ZNF138: variants seen among roughly 807,000 people sequenced by gnomAD.
ZNF138 encodes the protein zinc finger protein 138.
A neutral mutation model predicts 33.0 loss-of-function variants in ZNF138; 33 were observed. That is an observed-to-expected ratio of 1.00 (90% CI 0.76 to 1.34). The LOEUF (loss-of-function observed/expected upper bound fraction) is 1.34, where lower values mean the gene tolerates loss of function less well. ZNF138 is among the 40% of genes most tolerant of loss of function. ZNF138 has a pLI of 0.00. For missense variants in ZNF138, 360 were observed against 370.8 expected (o/e 0.97, Z 0.24); for synonymous variants, 139 against 120.4 (o/e 1.15, Z -1.01).
In ZNF138 at chr7:64,832,164, A is replaced by G. The variant is rs1562928059; in HGVS notation, c.922A>G (p.Lys308Glu). ...QIIYTGEEPY[K>E]CEECGKAFNL... ...AATTTATACTGGAGAGGAACCATAC[A>G]AATGTGAGGAATGTGGCAAAGCTTT... Residue 308 changes from lysine (K) to glutamate (E), a missense_variant, in exon 4 of 4, where the codon AAA (lysine) becomes GAA (glutamate). Lys to Glu is a moderately conservative substitution (Grantham distance 56, BLOSUM62 1). Transcript: ENST00000307355. 6.2e-7 allele frequency: 1 copy of G among 1,610,524 alleles called. No homozygotes were observed. Among genetic ancestry groups the G allele is most frequent in the Non-Finnish European group, 8.5e-7 (1 of 1,179,110 alleles).
chr7:64,827,111 A>AT (rs36019796), intron 3 of ZNF138, among the ~76,000 whole-genome samples: 208 of 148,970 alleles, frequency 1.4e-3, no homozygotes, highest in African/African-American at 4.6e-3. Flanking sequence ...TCATTTTAGC[A>AT]TTTTTTTTTT....
rs1465281361 is a variant in ZNF138 at position 64,831,907 on chromosome 7, C to T, written c.665C>T (p.Pro222Leu). The change falls in exon 4 of 4, where the codon CCC becomes CTC. Residue 222 changes from proline to leucine, a missense_variant. Transcript: ENST00000307355. Reference sequence around the variant, plus strand: ...AAGAAAATTCATACTGGAGAAAAACCCTACAAATGTGAAGTATGTGGAAAA... The same window carrying T: ...AAGAAAATTCATACTGGAGAAAAACTCTACAAATGTGAAGTATGTGGAAAA... ...KPKKIHTGEK[P>L]YKCEVCGKAF... The T allele has an allele frequency of 6.2e-7, 1 of 1,613,702 alleles. No individual in the cohort carries two copies. The highest frequency in any genetic ancestry group is 2.2e-5 in the East Asian group (1 of 44,850).
At chr7:64,829,322 CTA>C (rs1789895550) in intron 3 of ZNF138, among the ~76,000 whole-genome samples, 1 of 151,676 alleles carries the variant, frequency 6.6e-6, no homozygotes, top group Non-Finnish European at 1.5e-5. Flanking sequence ...ATATTGCTCT[CTA>C]TGTGTTTCCT....
In ZNF138 at chr7:64,832,155, G is replaced by A; in HGVS notation, c.913G>A (p.Glu305Lys). 1 of 1,611,028 alleles carries A rather than the reference G, an allele frequency of 6.2e-7. No homozygotes were observed. Among genetic ancestry groups the A allele is most frequent in the South Asian group, 1.1e-5 (1 of 90,780 alleles). The change falls in exon 4 of 4, where the codon GAA (glutamate) becomes AAA (lysine). Residue 305 changes from glutamate (E) to lysine (K), a missense_variant. By Grantham distance (56) the Glu-to-Lys change is moderately conservative. Coordinates refer to ENST00000307355, the MANE Select transcript of ZNF138 (RefSeq NM_001271639.2). ...ACATCAGATAATTTATACTGGAGAGGAACCATACAAATGTGAGGAATGTGG... is the reference window on the plus strand; with the variant it reads ...ACATCAGATAATTTATACTGGAGAGAAACCATACAAATGTGAGGAATGTGG... ...TKHQIIYTGE[E>K]PYKCEECGKA...
intron 1 of ZNF138, among the ~76,000 whole-genome samples, chr7:64,804,316 G>A (rs534863939): frequency 2.6e-5 from 4 of 152,242 alleles, no homozygotes; most frequent in Middle Eastern, 3.4e-3. Flanking sequence ...AATTACCGGT[G>A]CATGCAGCCC....
In ZNF138 at chr7:64,831,880, C is replaced by T. The variant is rs778165267; in HGVS notation, c.638C>T (p.Pro213Leu). 6.2e-6 allele frequency: 10 copies of T among 1,613,472 alleles called. No individual in the cohort carries two copies. The highest frequency in any genetic ancestry group is 8.5e-6 in the Non-Finnish European group (10 of 1,179,826). Residue 213 changes from proline (P) to leucine (L), a missense_variant, in exon 4 of 4, where the codon CCT becomes CTT. Physicochemically the swap from Pro to Leu is moderately conservative, Grantham distance 98. Transcript: ENST00000307355. ...TFNWSTNLSK[P>L]KKIHTGEKPY... ...AACTGGTCCACAAACCTTTCTAAAC[C>T]TAAGAAAATTCATACTGGAGAAAAA...
chr7:64,795,496 C>T (rs1338120432), intron 1 of ZNF138, among the ~76,000 whole-genome samples: 3 of 152,194 alleles, frequency 2.0e-5, no homozygotes, highest in Non-Finnish European at 1.5e-5. Context: ...ACTTCCCCTT[C>T]CTAATTCACA....
chr7:64,824,867 CTTTT>C (rs57401048), intron 3 of ZNF138, among the ~76,000 whole-genome samples: 4 of 146,304 alleles, frequency 2.7e-5, no homozygotes, highest in East Asian at 2.0e-4. Flanking sequence ...TTATGAGTCT[CTTTT>C]TTTTTTTTTG....
intron 1 of ZNF138, among the ~76,000 whole-genome samples, chr7:64,795,749 C>T (rs1018060266): frequency 4.6e-5 from 7 of 151,314 alleles, no homozygotes; most frequent in African/African-American, 1.7e-4. Context: ...GTCAAGGTTT[C>T]CCTTTGGAAA....
At chr7:64,829,615 C>A (rs1562923732) in intron 3 of ZNF138, among the ~76,000 whole-genome samples, 1 of 1,750 alleles carries the variant, frequency 5.7e-4, no homozygotes, top group Admixed American at 7.2e-3. Flanking sequence ...AATTCTTTCT[C>A]ATTACATTTG....
chr7:64,844,728 C>T, the ZNF138 span, among the ~76,000 whole-genome samples: 2 of 151,728 alleles, frequency 1.3e-5, no homozygotes, highest in African/African-American at 4.9e-5. Context: ...GCTGTGTCAC[C>T]CAGGCTGGAG....
At chr7:64,815,539 A>T in intron 2 of ZNF138, 37 bp from the exon 3 acceptor site, 1 of 1,577,996 alleles carries the variant, frequency 6.3e-7, no homozygotes, top group Non-Finnish European at 8.7e-7. Flanking sequence ...CATGTTACTT[A>T]TTTTTAATAA....
intron 1 of ZNF138, among the ~76,000 whole-genome samples, chr7:64,801,724 A>G (rs961125803): frequency 6.6e-6 from 1 of 152,158 alleles, no homozygotes; most frequent in African/African-American, 2.4e-5. Flanking sequence ...TGCTGCCTCA[A>G]TAATGTGTCT....
At position 64,795,422 on chromosome 7, in the gene ZNF138, A is replaced by G. The variant is rs1327446536; in HGVS notation, c.3+851A>G. On this transcript the variant is annotated intron_variant, in intron 1 of 3. Coordinates refer to ENST00000307355, the MANE Select transcript of ZNF138 (RefSeq NM_001271639.2). ...CCCCCTCCCCATTTCCCATTCCTTC[A>G]GCCTAACTCTGGCTTGCAGTAAAAT... Among the ~76,000 whole-genome samples, 3 of 152,142 alleles carry G rather than the reference A, an allele frequency of 2.0e-5. No homozygotes were observed. In the East Asian group the frequency reaches 5.8e-4, roughly 29 times the overall value.
chr7:64,811,125 A>AT (rs201948020), intron 1 of ZNF138, among the ~76,000 whole-genome samples: 1 of 152,090 alleles, frequency 6.6e-6, no homozygotes, highest in African/African-American at 2.4e-5. Flanking sequence ...AATTCTATAC[A>AT]TTTTTTAAAA....
chr7:64,801,255 G>T (rs1787116012), intron 1 of ZNF138, among the ~76,000 whole-genome samples: 1 of 151,938 alleles, frequency 6.6e-6, no homozygotes, highest in South Asian at 2.1e-4. Context: ...CATAATGTTA[G>T]GTTGTTAAAT....
the ZNF138 span, among the ~76,000 whole-genome samples, chr7:64,843,331 A>C: frequency 6.6e-6 from 1 of 152,192 alleles, no homozygotes; most frequent in African/African-American, 2.4e-5. Context: ...CCAATAATAA[A>C]ATTGCTGTAT....
downstream of ZNF138, among the ~76,000 whole-genome samples, chr7:64,834,521 A>C (rs1181167725): frequency 6.6e-6 from 1 of 152,234 alleles, no homozygotes; most frequent in Non-Finnish European, 1.5e-5. Flanking sequence ...CCTTGAAAAA[A>C]ATTGCAGAAT....
intron 3 of ZNF138, among the ~76,000 whole-genome samples, chr7:64,817,396 G>A (rs1239581124): frequency 6.6e-6 from 1 of 152,222 alleles, no homozygotes; most frequent in East Asian, 1.9e-4. Flanking sequence ...ATGTAGCCAA[G>A]AACGGGAATC....
Sources: gnomAD v4.1 joint callset for allele counts (sites outside exome capture counted in the v4.1 genomes callset) on GRCh38, gnomAD v4.1.1 for gene constraint, MANE v1.5 for transcripts, NCBI Gene and HGNC (gene_info 2026-07-23, HGNC 2026-07-21) for gene names.